Variants in PRKCA observed in about 807,000 individuals in gnomAD.
PRKCA encodes the protein protein kinase C alpha.
In PRKCA, 27 loss-of-function variants were observed where a neutral mutation model predicts 87.0. The ratio of observed to expected loss-of-function variants is 0.31; its 90% CI spans 0.23 to 0.43. The LOEUF is 0.43. Ranked by LOEUF, PRKCA falls within the 20% of genes least tolerant of loss-of-function variation. The pLI, the probability that PRKCA is intolerant of heterozygous loss-of-function variation, is 1.00. For missense variants in PRKCA, 518 were observed against 852.3 expected, an observed-to-expected ratio of 0.61 and a Z score of 4.88; for synonymous variants, 329 against 311.1, an observed-to-expected ratio of 1.06 and a Z score of -0.61.
chr17:66,518,641 A>T (rs16959470), intron 3 of PRKCA, among the ~76,000 whole-genome samples: 2,128 of 152,316 alleles, frequency 0.014, 46 homozygotes, highest in African/African-American at 0.048. Context: ...TGGTATTTAT[A>T]GTGTTCTGAA....
chr17:66,585,644 C>G (rs1397405805), intron 3 of PRKCA, among the ~76,000 whole-genome samples: 1 of 152,312 alleles, frequency 6.6e-6, no homozygotes, highest in South Asian at 2.1e-4. Flanking sequence ...ACGCACTTCC[C>G]CATTCCCCAT....
At position 66,716,705 on chromosome 17, in the gene PRKCA, C is replaced by T. The variant is rs189529926; in HGVS notation, c.919-15983C>T. On this transcript the variant is annotated intron_variant, in intron 8 of 16. Transcript: ENST00000413366. ...GTTGGCTGCAAAGAAAATCACACACCGGGATACTAGAGGTGAATATTATGT... is the reference window on the plus strand; with the variant it reads ...GTTGGCTGCAAAGAAAATCACACACTGGGATACTAGAGGTGAATATTATGT... 5.3e-5 allele frequency among the ~76,000 whole-genome samples: 8 copies of T among 152,166 alleles called. No homozygotes were observed. The East Asian group carries it at 1.2e-3, about 22-fold the overall frequency.
At chr17:66,610,692 G>A (rs755260518) in intron 3 of PRKCA, among the ~76,000 whole-genome samples, 9 of 152,160 alleles carry the variant, frequency 5.9e-5, no homozygotes, top group African/African-American at 9.7e-5. Context: ...AGTCACGATC[G>A]CAAGAGCACA....
chr17:66,494,876 A>T (rs1177093039), intron 2 of PRKCA, among the ~76,000 whole-genome samples: 3 of 152,062 alleles, frequency 2.0e-5, no homozygotes, highest in Non-Finnish European at 4.4e-5. Context: ...GCCAAGGTGG[A>T]CAGATTGCTT....
intron 5 of PRKCA, among the ~76,000 whole-genome samples, chr17:66,683,863 G>T (rs1407092107): frequency 6.6e-6 from 1 of 152,170 alleles, no homozygotes; most frequent in East Asian, 1.9e-4. Context: ...GCCTCCCAAA[G>T]TGTTGGGATT....
intron 3 of PRKCA, among the ~76,000 whole-genome samples, chr17:66,566,479 G>GT (rs368602635): frequency 0.15 from 11,030 of 74,030 alleles, 990 homozygotes; most frequent in Middle Eastern, 0.21. Context: ...GTTGTTTTTT[G>GT]GTTTTTTTTT....
rs1476640590 is a variant in PRKCA at position 66,689,590 on chromosome 17, C to T, written c.918+543C>T. 2.0e-5 allele frequency among the ~76,000 whole-genome samples: 3 copies of T among 152,156 alleles called. No individual in the cohort carries two copies. Among genetic ancestry groups the T allele is most frequent in the African/African-American group, 7.2e-5 (3 of 41,446 alleles). ...GCAAAGGCCACCTCCTTCTCTTCTTCCTCTTGGTATTTGTGTTTGCCTCTG... is the reference window on the plus strand; with the variant it reads ...GCAAAGGCCACCTCCTTCTCTTCTTTCTCTTGGTATTTGTGTTTGCCTCTG... On this transcript the variant is annotated intron_variant, in intron 8 of 16. Transcript: ENST00000413366. This position sits in a 1 kb window ranked among gnomAD's most constrained non-coding sequence, Gnocchi z 4.1.
chr17:66,785,867 C>T (rs1027539080), intron 14 of PRKCA, among the ~76,000 whole-genome samples: 2 of 152,252 alleles, frequency 1.3e-5, no homozygotes, highest in Non-Finnish European at 2.9e-5. Flanking sequence ...CTCGCTCTGT[C>T]ACCCAGGCTG....
At chr17:66,347,841 T>C (rs569124311) in intron 2 of PRKCA, among the ~76,000 whole-genome samples, 9 of 151,840 alleles carry the variant, frequency 5.9e-5, no homozygotes, top group African/African-American at 2.2e-4. Context: ...GTCAAAGTGG[T>C]GTTTCATGGA....
At chr17:66,751,439 A>G (rs968737933) in intron 13 of PRKCA, among the ~76,000 whole-genome samples, 9 of 152,152 alleles carry the variant, frequency 5.9e-5, no homozygotes, top group Non-Finnish European at 1.2e-4. Flanking sequence ...TCAGTGTATC[A>G]CTTATTGCCC....
chr17:66,632,398 G>A lies in PRKCA; in HGVS notation c.289-8957G>A, dbSNP rs181586350. On this transcript the variant is annotated intron_variant, in intron 3 of 16. Transcript: ENST00000413366. ...TTTGTTTGTTTGTTTTTTGTTTTTT[G>A]AGACGGGGTCTTGCTCTGTTACCCA... Among the ~76,000 whole-genome samples the A allele has an allele frequency of 5.3e-3, 802 of 151,884 alleles. 10 individuals carry two copies. The highest frequency in any genetic ancestry group is 0.018 in the African/African-American group (756 of 41,444).
chr17:66,532,659 C>A (rs1967607477), intron 3 of PRKCA, among the ~76,000 whole-genome samples: 1 of 152,086 alleles, frequency 6.6e-6, no homozygotes, highest in Admixed American at 6.6e-5. Flanking sequence ...GCGCCCGGCC[C>A]ATCCTTGAAG....
chr17:66,620,916 G>A (rs1437533140), intron 3 of PRKCA, among the ~76,000 whole-genome samples: 1 of 152,170 alleles, frequency 6.6e-6, no homozygotes, highest in African/African-American at 2.4e-5. Flanking sequence ...AAATAACTCA[G>A]CTCTGAAGTT....
chr17:66,800,760 A>G (rs892143203), intron 16 of PRKCA, among the ~76,000 whole-genome samples: 2 of 152,240 alleles, frequency 1.3e-5, no homozygotes, highest in Non-Finnish European at 2.9e-5. Flanking sequence ...CATCCAGCCT[A>G]GACGTCTATC....
chr17:66,572,510 G>A (rs1033298343), intron 3 of PRKCA, among the ~76,000 whole-genome samples: 14 of 152,066 alleles, frequency 9.2e-5, no homozygotes, highest in Admixed American at 5.2e-4. Flanking sequence ...GAGAAAATAC[G>A]CAAGATGAAC....
intron 13 of PRKCA, among the ~76,000 whole-genome samples, chr17:66,757,540 C>G (rs1244632724): frequency 1.7e-5 from 2 of 115,706 alleles, no homozygotes; most frequent in African/African-American, 6.6e-5. Context: ...AGGGCAAAGA[C>G]AGTAGAGTGA....
At chr17:66,784,471 T>A (rs1028688073) in intron 14 of PRKCA, among the ~76,000 whole-genome samples, 1 of 152,058 alleles carries the variant, frequency 6.6e-6, no homozygotes, top group African/African-American at 2.4e-5. Context: ...GGTCTTGAAC[T>A]CCTGACCTCA....
chr17:66,455,444 C>T (rs1914537397), intron 2 of PRKCA, among the ~76,000 whole-genome samples: 1 of 152,168 alleles, frequency 6.6e-6, no homozygotes, highest in Non-Finnish European at 1.5e-5. Flanking sequence ...TGAACTGGAG[C>T]TGCCAGGAAA....
intron 13 of PRKCA, among the ~76,000 whole-genome samples, chr17:66,746,981 A>G (rs1974303894): frequency 6.6e-6 from 1 of 152,218 alleles, no homozygotes; most frequent in Non-Finnish European, 1.5e-5. Flanking sequence ...AGAAGCAGGA[A>G]GAGTGTCTGC....
Sources: allele counts gnomAD v4.1 joint callset (sites outside exome capture counted in the v4.1 genomes callset), GRCh38; gene constraint gnomAD v4.1.1; non-coding constraint Gnocchi (gnomAD v3.1); transcripts MANE v1.5; gene names NCBI Gene and HGNC (gene_info 2026-07-23, HGNC 2026-07-21).